CRK: variants seen among roughly 807,000 people sequenced by gnomAD.
The protein encoded by CRK is adapter molecule crk.
In CRK, 4 loss-of-function variants were observed where a neutral mutation model predicts 29.8. The observed-to-expected ratio is 0.13, with a 90% CI of 0.07 to 0.31. The LOEUF is 0.31. Ranked by LOEUF, CRK falls within the 10% of genes least tolerant of loss-of-function variation. The pLI is 1.00. For missense variants in CRK, 274 were observed against 396.5 expected, an observed-to-expected ratio of 0.69 and a Z score of 2.62; for synonymous variants, 153 against 164.9, an observed-to-expected ratio of 0.93 and a Z score of 0.55.
At chr17:1,428,521 C>CTTTTTTT (rs754259440) in intron 2 of CRK, among the ~76,000 whole-genome samples, 9 of 111,176 alleles carry the variant, frequency 8.1e-5, no homozygotes, top group African/African-American at 1.4e-4. Context: ...CATATCAGAT[C>CTTTTTTT]TTTTTTTTTT....
intron 1 of CRK, among the ~76,000 whole-genome samples, chr17:1,443,766 C>CG (rs1202359624): frequency 6.7e-6 from 1 of 150,368 alleles, no homozygotes; most frequent in African/African-American, 2.5e-5. Context: ...GTGGCAGGAT[C>CG]TCGGCTCAAT....
intron 1 of CRK, among the ~76,000 whole-genome samples, chr17:1,454,295 CTT>C (rs1419612275): frequency 6.6e-6 from 1 of 151,798 alleles, no homozygotes; most frequent in African/African-American, 2.4e-5. Context: ...AATCCCAGCA[CTT>C]TGGGAGGCCG....
At position 1,421,612 on chromosome 17, in the gene CRK, C is replaced by T. The variant is rs1568004442; in HGVS notation, c.*1901G>A. 2.6e-5 allele frequency: 4 copies of T among 152,162 alleles called. No homozygotes were observed. The highest frequency in any genetic ancestry group is 4.4e-5 in the Non-Finnish European group (3 of 68,036). 9.4% of individuals were successfully genotyped at this position (152,162 alleles called of 1,614,324 possible). On this transcript the variant is annotated 3_prime_UTR_variant, in exon 3 of 3. Coordinates refer to ENST00000300574, the MANE Select transcript of CRK (RefSeq NM_016823.4). The stretch of plus-strand genomic sequence containing the variant: ...GTCAACGCGTTAGTCTGCTTGCGGC[C>T]ATGTACGGAATCCTGGGCCAGCTGG...
intron 2 of CRK, 88 bp from the exon 3 acceptor site, chr17:1,423,738 C>T: frequency 6.6e-7 from 1 of 1,523,650 alleles, no homozygotes; most frequent in Non-Finnish European, 9.0e-7. Flanking sequence ...ACACCCTGCC[C>T]ATGTGACTGC....
At chr17:1,428,906 C>T (rs368990876) in intron 2 of CRK, among the ~76,000 whole-genome samples, 2 of 151,376 alleles carry the variant, frequency 1.3e-5, no homozygotes, top group Admixed American at 6.6e-5. Context: ...AGTCCAGTGG[C>T]GCAATCTCAG....
intron 1 of CRK, among the ~76,000 whole-genome samples, chr17:1,442,654 CTGG>C (rs1387823626): frequency 7.6e-6 from 1 of 130,850 alleles, no homozygotes; most frequent in Non-Finnish European, 1.6e-5. Context: ...GTCTCCCAAG[CTGG>C]AGTGCAGTGG....
chr17:1,425,733 C>A (rs528370618), intron 2 of CRK, among the ~76,000 whole-genome samples: 1 of 152,348 alleles, frequency 6.6e-6, no homozygotes, highest in African/African-American at 2.4e-5. Flanking sequence ...CCTGACCTCA[C>A]TTACAGATGG....
intron 2 of CRK, among the ~76,000 whole-genome samples, chr17:1,429,689 G>A (rs2073819442): frequency 6.6e-6 from 1 of 151,876 alleles, no homozygotes; most frequent in South Asian, 2.1e-4. Flanking sequence ...GCTTTGTGAG[G>A]CCCGAGCAGG....
chr17:1,442,851 A>G (rs1286247194), intron 1 of CRK, among the ~76,000 whole-genome samples: 1 of 150,342 alleles, frequency 6.7e-6, no homozygotes, highest in Admixed American at 6.6e-5. Context: ...AAGTGATCTG[A>G]CCGCCTTGGC....
At chr17:1,443,171 G>A (rs983316681) in intron 1 of CRK, among the ~76,000 whole-genome samples, 1 of 149,162 alleles carries the variant, frequency 6.7e-6, no homozygotes, top group Admixed American at 6.7e-5. Context: ...GTAGAGATGG[G>A]GGTTTCACCA....
chr17:1,435,119 T>G (rs1446557414), intron 2 of CRK, among the ~76,000 whole-genome samples: 3 of 152,082 alleles, frequency 2.0e-5, no homozygotes, highest in Admixed American at 1.3e-4. Flanking sequence ...GAGTGCAGTG[T>G]CATGATCTCA....
intron 2 of CRK, among the ~76,000 whole-genome samples, chr17:1,430,547 A>G (rs2073832972): frequency 7.3e-6 from 1 of 137,770 alleles, no homozygotes; most frequent in African/African-American, 2.9e-5. Flanking sequence ...TTTTTTTTTT[A>G]GTAGAGATGG....
intron 1 of CRK, among the ~76,000 whole-genome samples, chr17:1,452,625 T>C (rs534108815): frequency 1.3e-5 from 2 of 151,368 alleles, no homozygotes; most frequent in East Asian, 3.9e-4. Flanking sequence ...CCATCTCTAC[T>C]AAAAAAATAC....
chr17:1,430,204 C>T (rs2073825895), intron 2 of CRK, among the ~76,000 whole-genome samples: 1 of 151,834 alleles, frequency 6.6e-6, no homozygotes, highest in Non-Finnish European at 1.5e-5. Context: ...GCCCCCACGC[C>T]TGGCTAATTT....
At chr17:1,444,595 C>CGG (rs35779178) in intron 1 of CRK, among the ~76,000 whole-genome samples, 30,591 of 101,728 alleles carry the variant, frequency 0.3, 5,627 homozygotes, top group Non-Finnish European at 0.39. Context: ...GAAGCCGAAG[C>CGG]GGGGGGGGGG....
intron 1 of CRK, among the ~76,000 whole-genome samples, chr17:1,438,188 GGCACAATCA>G (rs2073903930): frequency 3.3e-5 from 5 of 152,050 alleles, no homozygotes; most frequent in Non-Finnish European, 7.3e-5. Flanking sequence ...GGAGTGCAGT[GGCACAATCA>G]CAGCTTACTG....
intron 1 of CRK, among the ~76,000 whole-genome samples, chr17:1,442,924 C>G (rs527430794): frequency 1.3e-4 from 19 of 151,632 alleles, no homozygotes; most frequent in African/African-American, 4.6e-4. Context: ...GGGTCTCACT[C>G]TGCTGTCCAG....
At chr17:1,433,508 G>GATTTTTTTTTTTTTTTT (rs1568012299) in intron 2 of CRK, among the ~76,000 whole-genome samples, 1 of 114,368 alleles carries the variant, frequency 8.7e-6, no homozygotes. Context: ...ACCACGCCTG[G>GATTTTTTTTTTTTTTTT]CTTTTTTTTT....
At chr17:1,427,365 C>T (rs1369713098) in intron 2 of CRK, among the ~76,000 whole-genome samples, 2 of 151,002 alleles carry the variant, frequency 1.3e-5, no homozygotes, top group Admixed American at 6.6e-5. Flanking sequence ...AGGCTGAGGG[C>T]GGCAGATCAT....
Sources: allele counts gnomAD v4.1 joint callset (sites outside exome capture counted in the v4.1 genomes callset), GRCh38; gene constraint gnomAD v4.1.1; transcripts MANE v1.5; gene names NCBI Gene and HGNC (gene_info 2026-07-23, HGNC 2026-07-21).